Variants in RBFOX1 observed in about 807,000 individuals in gnomAD.
RBFOX1 encodes the protein RNA binding protein fox-1 homolog 1.
In RBFOX1, 8 loss-of-function variants were observed where a neutral mutation model predicts 57.7. That is an observed-to-expected ratio of 0.14 (90% CI 0.08 to 0.25). The LOEUF (loss-of-function observed/expected upper bound fraction) is 0.25. RBFOX1 is among the 10% of genes least tolerant of loss of function. The pLI, the probability that RBFOX1 is intolerant of heterozygous loss-of-function variation, is 1.00. For synonymous variants in RBFOX1, 326 were observed against 222.4 expected, an observed-to-expected ratio of 1.47 and a Z score of -4.15; for missense variants, 611 against 548.5, an observed-to-expected ratio of 1.11 and a Z score of -1.14.
intron 1 of RBFOX1, among the ~76,000 whole-genome samples, chr16:5,407,271 T>G (rs901372981): frequency 6.6e-6 from 1 of 152,140 alleles, no homozygotes; most frequent in African/African-American, 2.4e-5. Flanking sequence ...ACCAGGTCTC[T>G]CCTCAGCACC....
At chr16:6,457,553 C>G (rs757462537) in intron 2 of RBFOX1, among the ~76,000 whole-genome samples, 1 of 151,586 alleles carries the variant, frequency 6.6e-6, no homozygotes, top group Non-Finnish European at 1.5e-5. Flanking sequence ...ATCATCTGAG[C>G]TCTAGCTCCC....
At chr16:6,907,594 G>C (rs559668182) in intron 3 of RBFOX1, among the ~76,000 whole-genome samples, 1 of 152,050 alleles carries the variant, frequency 6.6e-6, no homozygotes, top group African/African-American at 2.4e-5. Flanking sequence ...GTTTTTGATG[G>C]AGTCTCACTC....
chr16:6,541,620 G>A (rs528206135), intron 2 of RBFOX1, among the ~76,000 whole-genome samples: 4 of 152,330 alleles, frequency 2.6e-5, no homozygotes, highest in African/African-American at 9.6e-5. Context: ...TATGACTTAT[G>A]TTTTAAAAAT....
intron 2 of RBFOX1, among the ~76,000 whole-genome samples, chr16:6,425,888 C>T (rs112509599): frequency 3.3e-5 from 5 of 151,992 alleles, no homozygotes; most frequent in East Asian, 1.9e-4. Flanking sequence ...TGTACAATTC[C>T]GTGGTATTTA....
At chr16:5,901,144 G>A (rs77709863) in intron 4 of RBFOX1, among the ~76,000 whole-genome samples, 21,450 of 152,142 alleles carry the variant, frequency 0.14, 2,060 homozygotes, top group Non-Finnish European at 0.21. Flanking sequence ...CTCAGCAGCA[G>A]CCCAGTCATG....
rs548886991 is a variant in RBFOX1 at position 7,461,783 on chromosome 16, G to A, written c.28-56364G>A. ...CAGCCCTCGGAGGTAGTGAGTGTTG[G>A]CATTAGAGCTTACAGCAGCATCCTC... On this transcript the variant is annotated intron_variant, in intron 4 of 15. Transcript: ENST00000550418. Among the ~76,000 whole-genome samples, 62 of 151,204 alleles carry A rather than the reference G, an allele frequency of 4.1e-4. No homozygotes were observed. The South Asian group carries it at 0.012, about 29-fold the overall frequency.
intron 2 of RBFOX1, among the ~76,000 whole-genome samples, chr16:6,378,380 C>T (rs1468612): frequency 0.44 from 66,448 of 152,108 alleles, 14,945 homozygotes; most frequent in South Asian, 0.73. Context: ...CCCAACAGCT[C>T]GCTGGGCATC....
At chr16:7,172,214 T>C (rs376824050) in intron 4 of RBFOX1, among the ~76,000 whole-genome samples, 1 of 152,302 alleles carries the variant, frequency 6.6e-6, no homozygotes, top group East Asian at 1.9e-4. Context: ...TTTTCTTATA[T>C]TACCTAAAAT....
intron 3 of RBFOX1, among the ~76,000 whole-genome samples, chr16:6,790,584 C>T (rs570299171): frequency 3.9e-5 from 6 of 152,280 alleles, no homozygotes; most frequent in Middle Eastern, 3.4e-3. Flanking sequence ...GTTTTCCCAA[C>T]ACTGCCTTCT....
chr16:6,440,220 C>A (rs2094348065), intron 2 of RBFOX1, among the ~76,000 whole-genome samples: 1 of 151,594 alleles, frequency 6.6e-6, no homozygotes, highest in African/African-American at 2.4e-5. Flanking sequence ...CAGGCGTGAG[C>A]CTTAGGTGGC....
chr16:6,582,730 C>A lies in RBFOX1; in HGVS notation c.-63-71873C>A, dbSNP rs571742313. Among the ~76,000 whole-genome samples the A allele has an allele frequency of 2.6e-5, 4 of 151,186 alleles. No homozygotes were observed. In the South Asian group the frequency reaches 8.4e-4, roughly 32 times the overall value. On this transcript the variant is annotated intron_variant, in intron 2 of 15. Transcript: ENST00000550418. The stretch of plus-strand genomic sequence containing the variant: ...TTTCTCATCTTCTTCCTCTCCTGAC[C>A]GCTCCTTCCTCCCTTTCTCTTCTTT...
intron 3 of RBFOX1, among the ~76,000 whole-genome samples, chr16:6,669,666 G>C (rs1296477702): frequency 6.6e-6 from 1 of 152,106 alleles, no homozygotes; most frequent in Non-Finnish European, 1.5e-5. Flanking sequence ...GTGTTTGAGT[G>C]TGGTGAGAAC....
At chr16:6,915,839 G>A (rs895964624) in intron 3 of RBFOX1, among the ~76,000 whole-genome samples, 3 of 152,018 alleles carry the variant, frequency 2.0e-5, no homozygotes, top group African/African-American at 2.4e-5. Context: ...GGTGTGAGCC[G>A]CTATGCCCAG....
At chr16:5,610,210 C>G (rs1334643555) in intron 3 of RBFOX1, 1 of 152,248 alleles carries the variant, frequency 6.6e-6, no homozygotes, top group Non-Finnish European at 1.5e-5. Flanking sequence ...ATTCTTGTAT[C>G]CCCAGCACCT....
At position 6,089,821 on chromosome 16, in the gene RBFOX1, G is replaced by A. The variant is rs138401929; in HGVS notation, c.-127+69829G>A. ...ACTGAGTAGTTCCTAAGACACCATCGCTTTGCATAAATCATGTCATTGAAT... is the reference window on the plus strand; with the variant it reads ...ACTGAGTAGTTCCTAAGACACCATCACTTTGCATAAATCATGTCATTGAAT... On this transcript the variant is annotated intron_variant, in intron 1 of 15. Coordinates refer to ENST00000550418, the MANE Select transcript of RBFOX1 (RefSeq NM_018723.4). Among the ~76,000 whole-genome samples the A allele has an allele frequency of 2.2e-3, 333 of 152,240 alleles. 2 individuals carry two copies. Among genetic ancestry groups the A allele is most frequent in the African/African-American group, 7.6e-3 (316 of 41,534 alleles).
chr16:5,995,304 C>G (rs572284367), intron 4 of RBFOX1, among the ~76,000 whole-genome samples: 5 of 152,108 alleles, frequency 3.3e-5, no homozygotes, highest in Admixed American at 3.3e-4. Flanking sequence ...ATCTTAGAGC[C>G]CAAATCCACA....
At chr16:7,516,108 G>A (rs1326144316) in intron 4 of RBFOX1, among the ~76,000 whole-genome samples, 3 of 152,160 alleles carry the variant, frequency 2.0e-5, no homozygotes, top group African/African-American at 7.2e-5. Flanking sequence ...GCCTCCCAAA[G>A]TGCTGGAATT....
chr16:6,332,377 C>T (rs768941433), intron 2 of RBFOX1, among the ~76,000 whole-genome samples: 11 of 151,972 alleles, frequency 7.2e-5, no homozygotes, highest in Non-Finnish European at 1.5e-4. Context: ...TTAGAATCTC[C>T]GTGGAAGTCA....
chr16:5,555,020 C>G (rs2045615652), intron 2 of RBFOX1, among the ~76,000 whole-genome samples: 1 of 152,152 alleles, frequency 6.6e-6, no homozygotes, highest in Admixed American at 6.5e-5. Context: ...CACTGGGTCA[C>G]TCTGACAACC....
Sources: gnomAD v4.1 joint callset for allele counts (sites outside exome capture counted in the v4.1 genomes callset) on GRCh38, gnomAD v4.1.1 for gene constraint, MANE v1.5 for transcripts, NCBI Gene and HGNC (gene_info 2026-07-23, HGNC 2026-07-21) for gene names.